COL13A1: variants seen among roughly 807,000 people sequenced by gnomAD.
COL13A1 encodes collagen type XIII alpha 1 chain.
In COL13A1, 89 loss-of-function variants were observed where a neutral mutation model predicts 130.9. That is an observed-to-expected ratio of 0.68 (90% confidence interval 0.57 to 0.81). COL13A1 has a LOEUF of 0.81. Among genes scored for constraint, COL13A1 ranks in the 30% least tolerant of loss-of-function variants. The probability of loss-of-function intolerance (pLI) is 0.00; values close to 1 mark genes in which losing one functional copy is unlikely to be tolerated. For missense variants in COL13A1, 879 were observed against 934.6 expected, an observed-to-expected ratio of 0.94 and a Z score of 0.78; for synonymous variants, 402 against 341.6, an observed-to-expected ratio of 1.18 and a Z score of -1.95.
intron 2 of COL13A1, among the ~76,000 whole-genome samples, chr10:69,867,332 C>A (rs562473987): frequency 6.6e-6 from 1 of 152,254 alleles, no homozygotes; most frequent in African/African-American, 2.4e-5. Context: ...TGGCCATCCA[C>A]GCCCGCCCCT....
Position 69,829,156 on chromosome 10 carries a change from C to A in COL13A1, c.364+6718C>A, listed in dbSNP as rs957648542. The A allele has an allele frequency of 3.9e-5, 33 of 852,946 alleles. No individual in the cohort carries two copies. The Admixed American group carries it at 5.0e-4, about 13-fold the overall frequency. The allele number at this position is 852,946 out of a possible 1,614,324, so 52.8% of individuals were successfully genotyped here. A position where few individuals can be genotyped will look rare whatever the true frequency, so the allele number is the denominator to read the frequency against. The stretch of plus-strand genomic sequence containing the variant: ...TCAGGCTGAACACCACCATTTCCCT[C>A]ACACCCCGTCAATCACCAAGTCTCA... On this transcript the variant is annotated intron_variant, in intron 2 of 40. Transcript: ENST00000645393.
At chr10:69,858,731 A>G (rs1008471696) in intron 2 of COL13A1, among the ~76,000 whole-genome samples, 1 of 152,206 alleles carries the variant, frequency 6.6e-6, no homozygotes, top group Non-Finnish European at 1.5e-5. Flanking sequence ...GGAAGGGCTC[A>G]TTGAAGGTTT....
In COL13A1 at chr10:69,957,411, G is replaced by A. The variant is rs528463639; in HGVS notation, c.2184+369G>A. On this transcript the variant is annotated intron_variant, in intron 40 of 40. Coordinates refer to ENST00000645393, the MANE Select transcript of COL13A1 (RefSeq NM_001368882.1). ...TGCCACGTGATGACATGTCTTAGACGTAGGACATCTCAGTTGCTTTCACTC... is the reference window on the plus strand; with the variant it reads ...TGCCACGTGATGACATGTCTTAGACATAGGACATCTCAGTTGCTTTCACTC... Among the ~76,000 whole-genome samples, 8 of 152,286 alleles carry A rather than the reference G, an allele frequency of 5.3e-5. No individual in the cohort carries two copies. The South Asian group carries it at 1.2e-3, about 24-fold the overall frequency.
At chr10:69,872,155 A>G (rs1275488232) in intron 3 of COL13A1, 29 bp from the exon 4 acceptor site, 2 of 1,613,968 alleles carry the variant, frequency 1.2e-6, no homozygotes, top group Non-Finnish European at 1.7e-6. Flanking sequence ...TACCTGCCTG[A>G]CCTACGTAAA....
chr10:69,920,438 T>C (rs2064499421), intron 21 of COL13A1, among the ~76,000 whole-genome samples: 1 of 152,162 alleles, frequency 6.6e-6, no homozygotes, highest in Non-Finnish European at 1.5e-5. Context: ...AATATGTCCA[T>C]CCCAGACCCA....
chr10:69,838,808 G>A (rs533555767), intron 2 of COL13A1, among the ~76,000 whole-genome samples: 57 of 152,360 alleles, frequency 3.7e-4, no homozygotes, highest in South Asian at 3.3e-3. Context: ...GGGGTGAGGC[G>A]TGGCTTCTGT....
intron 10 of COL13A1, 129 bp downstream of exon 10, chr10:69,889,569 A>T: frequency 1.7e-6 from 2 of 1,210,918 alleles, no homozygotes; most frequent in East Asian, 5.1e-5. Flanking sequence ...GTCACTCCCC[A>T]GCTGTGTAAA....
intron 1 of COL13A1, among the ~76,000 whole-genome samples, chr10:69,816,779 C>A (rs10998982): frequency 0.18 from 26,953 of 151,956 alleles, 2,435 homozygotes; most frequent in Admixed American, 0.26. Flanking sequence ...GGACTGCCCA[C>A]CAGATTTGGC....
chr10:69,915,666 G>A (rs1298339064), intron 17 of COL13A1, among the ~76,000 whole-genome samples: 1 of 152,244 alleles, frequency 6.6e-6, no homozygotes, highest in Non-Finnish European at 1.5e-5. Flanking sequence ...ACAGGGCAGA[G>A]CCCCTCTCTA....
intron 1 of COL13A1, among the ~76,000 whole-genome samples, chr10:69,812,695 A>T (rs563668298): frequency 2.6e-5 from 4 of 152,376 alleles, no homozygotes; most frequent in African/African-American, 9.6e-5. Flanking sequence ...AGGAATTAAC[A>T]TTAAGCTGGT....
chr10:69,883,808 A>G (rs1024780707), intron 7 of COL13A1, among the ~76,000 whole-genome samples: 3 of 152,182 alleles, frequency 2.0e-5, no homozygotes, highest in African/African-American at 7.2e-5. Context: ...CCAGATTTGC[A>G]GTTTACAAGG....
In COL13A1 at chr10:69,865,771, A is replaced by G. The variant is rs146392106; in HGVS notation, c.365-2027A>G. Among the ~76,000 whole-genome samples, 517 of 152,192 alleles carry G rather than the reference A, an allele frequency of 3.4e-3. 7 individuals carry two copies. Among genetic ancestry groups the G allele is most frequent in the African/African-American group, 0.012 (484 of 41,510 alleles). On this transcript the variant is annotated intron_variant, in intron 2 of 40. Transcript: ENST00000645393. ...AGAAGGGGGCTGGAGGCTGACCATA[A>G]CAGGCATCCCAGGGGCAGGTCTGGA...
chr10:69,926,654 CTA>C lies in COL13A1; in HGVS notation c.1399-429_1399-428del, dbSNP rs151209998. Among the ~76,000 whole-genome samples, 869 of 152,272 alleles carry C rather than the reference CTA, an allele frequency of 5.7e-3. 2 individuals carry two copies. The highest frequency in any genetic ancestry group is 0.02 in the African/African-American group (842 of 41,552). The stretch of plus-strand genomic sequence containing the variant: ...ATTTTTTGAGTGGTTCCATATTTTG[CTA>C]TATTGTGTCTGTTTAAAGGGAGGTG... On this transcript the variant is annotated intron_variant, in intron 26 of 40. Coordinates refer to ENST00000645393, the MANE Select transcript of COL13A1 (RefSeq NM_001368882.1).
In COL13A1 at chr10:69,916,823, G is replaced by T. The variant is rs180828210; in HGVS notation, c.922-466G>T. Among the ~76,000 whole-genome samples the T allele has an allele frequency of 1.5e-3, 224 of 152,294 alleles. 6 individuals are homozygous for T. Among genetic ancestry groups the T allele is most frequent in the Non-Finnish European group, 4.3e-4 (29 of 68,024 alleles). The stretch of plus-strand genomic sequence containing the variant: ...CAGATGAAAAGAGAAGAGAGCTCCT[G>T]TCTGGCTCAGCCAGAAGGTATCATC... On this transcript the variant is annotated intron_variant, in intron 17 of 40. Transcript: ENST00000645393.
intron 38 of COL13A1, among the ~76,000 whole-genome samples, chr10:69,948,284 GT>G (rs2068854688): frequency 6.6e-6 from 1 of 152,228 alleles, no homozygotes; most frequent in South Asian, 2.1e-4. Flanking sequence ...CTGATACCAT[GT>G]TCATGCACAG....
intron 1 of COL13A1, among the ~76,000 whole-genome samples, chr10:69,821,295 A>G (rs1442367524): frequency 1.3e-5 from 2 of 152,244 alleles, no homozygotes; most frequent in East Asian, 3.8e-4. Context: ...ATACACTGAA[A>G]GGCCTATTTG....
Position 69,918,291 on chromosome 10 carries a change from C to T in COL13A1, c.973C>T (p.Pro325Ser). The change falls in exon 19 of 41, where the codon CCC (proline) becomes TCC (serine). Residue 325 changes from proline to serine, a missense_variant. Physicochemically the swap from Pro to Ser is moderately conservative, Grantham distance 74. This residue lies in a region of COL13A1 where 715 missense variants were observed against 721.0 expected (regional missense o/e 0.99). Coordinates refer to ENST00000645393, the MANE Select transcript of COL13A1 (RefSeq NM_001368882.1). ...TTTTTTCTCTCTCTGCCAGGGGGCG[C>T]CCGGAATTGCCGTGGCTGGGATGAA... ...MPGKHGAKGAPGIAVAGMKGE... is the reference protein window; with the variant it reads ...MPGKHGAKGASGIAVAGMKGE... 1 of 1,612,874 alleles carries T rather than the reference C, an allele frequency of 6.2e-7. No homozygotes were observed. Among genetic ancestry groups the T allele is most frequent in the Non-Finnish European group, 8.5e-7 (1 of 1,179,526 alleles).
intron 2 of COL13A1, among the ~76,000 whole-genome samples, chr10:69,838,409 C>T (rs145910718): frequency 5.8e-4 from 89 of 152,352 alleles, no homozygotes; most frequent in Non-Finnish European, 1.2e-3. Context: ...TGAGCTGCAG[C>T]TTTCTTACCT....
intron 2 of COL13A1, among the ~76,000 whole-genome samples, chr10:69,840,621 A>G (rs575879753): frequency 6.6e-6 from 1 of 152,136 alleles, no homozygotes; most frequent in Non-Finnish European, 1.5e-5. Context: ...TTTAGGACAA[A>G]TTAAAGGAAG....
Sources: allele counts gnomAD v4.1 joint callset (sites outside exome capture counted in the v4.1 genomes callset), GRCh38; gene constraint gnomAD v4.1.1; regional missense constraint gnomAD v4.1.1; transcripts MANE v1.5; gene names NCBI Gene and HGNC (gene_info 2026-07-23, HGNC 2026-07-21).